CTNND1: variants seen among roughly 807,000 people sequenced by gnomAD.
The protein encoded by CTNND1 is catenin delta 1, also known as catenin delta-1.
In CTNND1, 16 loss-of-function variants were observed where a neutral mutation model predicts 112.1. The ratio of observed to expected loss-of-function variants is 0.14; its 90% CI spans 0.10 to 0.22. The LOEUF (loss-of-function observed/expected upper bound fraction) is 0.22. CTNND1 is among the 10% of genes least tolerant of loss of function. The pLI is 1.00. For missense variants in CTNND1, 1,008 were observed against 1,257.0 expected (o/e 0.80, Z 3.00); for synonymous variants, 420 against 446.5 (o/e 0.94, Z 0.75).
chr11:57,762,954 C>A (rs1950199257), intron 1 of CTNND1, among the ~76,000 whole-genome samples: 1 of 151,948 alleles, frequency 6.6e-6, no homozygotes, highest in African/African-American at 2.4e-5. Context: ...CTGAAAGGGC[C>A]AAGGGTGGAA....
At chr11:57,763,974 G>A (rs1950459485) in intron 1 of CTNND1, 1 of 152,242 alleles carries the variant, frequency 6.6e-6, no homozygotes, top group Non-Finnish European at 1.5e-5. Context: ...CTGGTGTGTA[G>A]TACAGAGCCT....
At chr11:57,784,747 C>T (rs2059956666) in intron 1 of CTNND1, among the ~76,000 whole-genome samples, 1 of 152,242 alleles carries the variant, frequency 6.6e-6, no homozygotes, top group East Asian at 1.9e-4. Flanking sequence ...CTCAAGTGAT[C>T]CTCCCATCTC....
rs1363625790 is a variant in CTNND1 at position 57,803,693 on chromosome 11, C to T, written c.1493C>T (p.Thr498Ile). Reference protein sequence around the residue: ...EIVDHALHALTDEVIIPHSGW... With the variant: ...EIVDHALHALIDEVIIPHSGW... ...GTGGACCATGCACTGCATGCCTTGA[C>T]AGATGAAGTGATCATTCCTCATTCT... Residue 498 changes from threonine (T) to isoleucine (I), a missense_variant, in exon 8 of 21, where the codon ACA becomes ATA. Thr to Ile is a moderately conservative substitution (Grantham distance 89). Coordinates refer to ENST00000399050, the MANE Select transcript of CTNND1 (RefSeq NM_001085458.2). The T allele has an allele frequency of 6.2e-7, 1 of 1,613,510 alleles. No individual in the cohort carries two copies. The highest frequency in any genetic ancestry group is 8.5e-7 in the Non-Finnish European group (1 of 1,179,714).
Position 57,814,317 on chromosome 11 carries a change from A to G in CTNND1, c.2645A>G (p.Lys882Arg). The G allele has an allele frequency of 6.2e-7, 1 of 1,611,360 alleles. No individual in the cohort carries two copies. The highest frequency in any genetic ancestry group is 2.2e-5 in the East Asian group (1 of 44,842). ...ACTTTCTGACTTCATACAGATAAGAAACCTGATCGGGAAGAAATTCAGATG... is the reference window on the plus strand; with the variant it reads ...ACTTTCTGACTTCATACAGATAAGAGACCTGATCGGGAAGAAATTCAGATG... ...LIDRNQKSDK[K>R]PDREEIQMSN... The change falls in exon 18 of 21, where the codon AAA becomes AGA. Residue 882 changes from lysine to arginine, a missense_variant. Around this residue, in one of 5 missense-constraint regions of CTNND1, gnomAD observed 106 missense variants for 116.2 expected, o/e 0.91. Transcript: ENST00000399050.
intron 7 of CTNND1, 77 bp from the exon 8 acceptor site, chr11:57,803,544 A>G: frequency 1.8e-6 from 2 of 1,135,720 alleles, no homozygotes; most frequent in Non-Finnish European, 2.5e-6. Context: ...GTGATACGAT[A>G]GGGGGATTCT....
chr11:57,802,050 A>C lies in CTNND1; in HGVS notation c.1274A>C (p.His425Pro). The change falls in exon 7 of 21, where the codon CAC becomes CCC. Residue 425 changes from histidine to proline, a missense_variant. By Grantham distance (77) the His-to-Pro change is moderately conservative. Coordinates refer to ENST00000399050, the MANE Select transcript of CTNND1 (RefSeq NM_001085458.2). The stretch of plus-strand genomic sequence containing the variant: ...TTAGACCATCCCAAAAAGGAAGTGC[A>C]CCTTGGAGCCTGTGGAGCTCTCAAG... ...GLLDHPKKEV[H>P]LGACGALKNI... 6.2e-7 allele frequency: 1 copy of C among 1,614,022 alleles called. No homozygotes were observed. The highest frequency in any genetic ancestry group is 8.5e-7 in the Non-Finnish European group (1 of 1,179,894).
chr11:57,802,442 G>C (rs532243405), intron 7 of CTNND1, among the ~76,000 whole-genome samples: 1 of 152,164 alleles, frequency 6.6e-6, no homozygotes, highest in African/African-American at 2.4e-5. Context: ...TATTAAAAAC[G>C]TGGAAGAGTT....
chr11:57,814,887 C>T (rs916442555), intron 18 of CTNND1, among the ~76,000 whole-genome samples: 2 of 152,136 alleles, frequency 1.3e-5, no homozygotes, highest in African/African-American at 4.8e-5. Context: ...TTTTAATTCC[C>T]ATAACCTTTT....
At chr11:57,798,217 C>T (rs1591525041) in intron 6 of CTNND1, among the ~76,000 whole-genome samples, 3 of 151,514 alleles carry the variant, frequency 2.0e-5, no homozygotes, top group South Asian at 2.1e-4. Flanking sequence ...TGTTGTGGCT[C>T]GTGCCTGTAG....
rs2062431122 is a variant in CTNND1, at chr11:57,804,691, C to T, written c.1633C>T (p.Arg545Cys). 1 of 1,613,808 alleles carries T rather than the reference C, an allele frequency of 6.2e-7. No individual in the cohort carries two copies. The highest frequency in any genetic ancestry group is 8.5e-7 in the Non-Finnish European group (1 of 1,179,822). Residue 545 changes from arginine (R) to cysteine (C), a missense_variant, in exon 9 of 21, where the codon CGC (arginine) becomes TGC (cysteine). Transcript: ENST00000399050. ...RNVSSERSEA[R>C]RKLRECDGLV... is the part of the protein sequence containing the mutation. ...TGTAAGCTCAGAGAGGAGTGAAGCT[C>T]GCCGGAAACTTCGGGAATGTGATGG...
At position 57,818,717 on chromosome 11, in the gene CTNND1, A is replaced by G. The variant is rs756678483; in HGVS notation, c.*2409A>G. On this transcript the variant is annotated 3_prime_UTR_variant, in exon 21 of 21. Coordinates refer to ENST00000399050, the MANE Select transcript of CTNND1 (RefSeq NM_001085458.2). ...TGCTAATTTAGAGATAGGAAACTGAAGCATAAAGAATTAATGACTTACTTT... is the reference window on the plus strand; with the variant it reads ...TGCTAATTTAGAGATAGGAAACTGAGGCATAAAGAATTAATGACTTACTTT... The G allele has an allele frequency of 6.6e-6, 1 of 152,222 alleles. No homozygotes were observed. The highest frequency in any genetic ancestry group is 1.5e-5 in the Non-Finnish European group (1 of 68,044). 9.4% of individuals were successfully genotyped at this position (152,222 alleles called of 1,614,324 possible).
Position 57,762,055 on chromosome 11 carries a change from C to T in CTNND1, c.-278C>T. The T allele has an allele frequency of 2.0e-6, 2 of 985,364 alleles. No homozygotes were observed. The highest frequency in any genetic ancestry group is 9.4e-5 in the South Asian group (2 of 21,286). The allele number at this position is 985,364 out of a possible 1,614,324, so 61.0% of individuals were successfully genotyped here. A position where few individuals can be genotyped will look rare whatever the true frequency, so the allele number is the denominator to read the frequency against. ...AGAACTCCACATTTGAGGTGTGTGG[C>T]TTTTGAAGAAAATGTATGTACTGAC... On this transcript the variant is annotated 5_prime_UTR_variant, in exon 1 of 21. Transcript: ENST00000399050.
chr11:57,796,808 G>A lies in CTNND1; in HGVS notation c.772G>A (p.Gly258Arg). The A allele has an allele frequency of 1.2e-6, 2 of 1,610,462 alleles. No individual in the cohort carries two copies. Among genetic ancestry groups the A allele is most frequent in the Non-Finnish European group, 1.7e-6 (2 of 1,177,536 alleles). ...YRAPSRQDVY[G>R]PQPQVRVGGS... ...GGCACCTAGTAGACAGGATGTGTAT[G>A]GGCCCCAACCCCAGGTTCGGGTAGG... The change falls in exon 6 of 21, where the codon GGG (glycine) becomes AGG (arginine). Residue 258 changes from glycine to arginine, a missense_variant. Transcript: ENST00000399050.
At chr11:57,799,257 T>C (rs979219770) in intron 6 of CTNND1, among the ~76,000 whole-genome samples, 1 of 152,192 alleles carries the variant, frequency 6.6e-6, no homozygotes, top group East Asian at 1.9e-4. Flanking sequence ...ACAGCCTTCA[T>C]TGAAGCAGTC....
intron 1 of CTNND1, among the ~76,000 whole-genome samples, chr11:57,766,793 T>G (rs1744433960): frequency 6.6e-6 from 1 of 152,178 alleles, no homozygotes; most frequent in South Asian, 2.1e-4. Context: ...AATTGCATGT[T>G]ATTATTAAAT....
chr11:57,816,285 T>C lies in CTNND1; in HGVS notation c.2896-12T>C. 6.2e-7 allele frequency: 1 copy of C among 1,613,684 alleles called. No individual in the cohort carries two copies. The highest frequency in any genetic ancestry group is 8.5e-7 in the Non-Finnish European group (1 of 1,179,710). ...CCCATTAACATTCTCTCTTTCTCTTTTTTCTCCACAGCAGAAGATTTAGCA... is the reference window on the plus strand; with the variant it reads ...CCCATTAACATTCTCTCTTTCTCTTCTTTCTCCACAGCAGAAGATTTAGCA... On this transcript the variant is annotated splice_polypyrimidine_tract_variant and intron_variant, in intron 20 of 20. Coordinates refer to ENST00000399050, the MANE Select transcript of CTNND1 (RefSeq NM_001085458.2).
intron 1 of CTNND1, among the ~76,000 whole-genome samples, chr11:57,775,950 A>G (rs1340682071): frequency 6.6e-6 from 1 of 152,192 alleles, no homozygotes; most frequent in African/African-American, 2.4e-5. Context: ...TCAACCTTAT[A>G]TACACCTCCC....
intron 6 of CTNND1, among the ~76,000 whole-genome samples, 184 bp downstream of exon 6, chr11:57,797,176 C>CTA (rs953651713): frequency 7.5e-5 from 11 of 147,258 alleles, no homozygotes; most frequent in African/African-American, 2.0e-4. Flanking sequence ...TATTGACTTG[C>CTA]TATATATATA....
intron 18 of CTNND1, 115 bp downstream of exon 18, chr11:57,814,488 C>T (rs1357801557): frequency 2.9e-6 from 2 of 699,668 alleles, no homozygotes; most frequent in Non-Finnish European, 4.9e-6. Context: ...CCTGGGAGAG[C>T]ATTGGCTGAT....
Sources: allele counts gnomAD v4.1 joint callset (sites outside exome capture counted in the v4.1 genomes callset), GRCh38; gene constraint gnomAD v4.1.1; regional missense constraint gnomAD v4.1.1; transcripts MANE v1.5; gene names NCBI Gene and HGNC (gene_info 2026-07-23, HGNC 2026-07-21).